TMEM178B: variants seen among roughly 807,000 people sequenced by gnomAD.
TMEM178B encodes transmembrane protein 178B.
In TMEM178B, 5 loss-of-function variants were observed where a neutral mutation model predicts 31.0. The ratio of observed to expected loss-of-function variants is 0.16; its 90% CI spans 0.08 to 0.34. The LOEUF is 0.34. Among genes scored for constraint, TMEM178B ranks in the 10% least tolerant of loss-of-function variants. The pLI, the probability that TMEM178B is intolerant of heterozygous loss-of-function variation, is 1.00. For synonymous variants in TMEM178B, 164 were observed against 164.0 expected (o/e 1.00, Z 0.00); for missense variants, 275 against 400.3 (o/e 0.69, Z 2.67).
chr7:141,312,765 T>G (rs1798934694), intron 2 of TMEM178B, among the ~76,000 whole-genome samples: 1 of 152,226 alleles, frequency 6.6e-6, no homozygotes, highest in South Asian at 2.1e-4. Flanking sequence ...TGGTGGTCCA[T>G]GGAGGGTGGT....
chr7:141,110,912 G>A (rs1404571228), intron 1 of TMEM178B, among the ~76,000 whole-genome samples: 2 of 152,148 alleles, frequency 1.3e-5, no homozygotes, highest in African/African-American at 2.4e-5. Flanking sequence ...GTGAACACAC[G>A]GTGAGAAGGA....
intron 2 of TMEM178B, among the ~76,000 whole-genome samples, chr7:141,424,633 T>C (rs998604436): frequency 6.6e-6 from 1 of 152,114 alleles, no homozygotes; most frequent in Non-Finnish European, 1.5e-5. Flanking sequence ...ATCCTTATTG[T>C]AGAAAAGAAC....
chr7:141,421,742 G>A (rs1801213810), intron 2 of TMEM178B, among the ~76,000 whole-genome samples: 1 of 152,066 alleles, frequency 6.6e-6, no homozygotes. Context: ...TCATCATCAT[G>A]ATAATCATCA....
intron 2 of TMEM178B, among the ~76,000 whole-genome samples, chr7:141,261,364 T>C (rs1178294697): frequency 2.6e-5 from 4 of 152,046 alleles, no homozygotes; most frequent in African/African-American, 7.2e-5. Context: ...TACCCTTAAA[T>C]TGGTTGAAAT....
intron 2 of TMEM178B, among the ~76,000 whole-genome samples, chr7:141,241,567 G>A (rs1797621320): frequency 7.0e-6 from 1 of 141,918 alleles, no homozygotes; most frequent in African/African-American, 2.6e-5. Flanking sequence ...TCCAGCCTGG[G>A]GAACAAGAGC....
chr7:141,131,551 A>G (rs117786423), intron 1 of TMEM178B, among the ~76,000 whole-genome samples: 4,337 of 152,274 alleles, frequency 0.028, 97 homozygotes, highest in Non-Finnish European at 0.045. Flanking sequence ...CGGGTTACGT[A>G]TAATTGAAAA....
intron 1 of TMEM178B, among the ~76,000 whole-genome samples, chr7:141,121,631 T>A (rs536344882): frequency 6.6e-6 from 1 of 152,190 alleles, no homozygotes; most frequent in Non-Finnish European, 1.5e-5. Flanking sequence ...GCTCTTATTC[T>A]CTCAGTCTTG....
chr7:141,385,745 G>C (rs970470712), intron 2 of TMEM178B, among the ~76,000 whole-genome samples: 1 of 152,116 alleles, frequency 6.6e-6, no homozygotes, highest in Non-Finnish European at 1.5e-5. Context: ...CCACCTGTTG[G>C]TCTTATTATC....
intron 1 of TMEM178B, among the ~76,000 whole-genome samples, chr7:141,081,987 A>G (rs535763394): frequency 2.0e-5 from 3 of 152,334 alleles, no homozygotes; most frequent in African/African-American, 7.2e-5. Flanking sequence ...GTTTAGAAAC[A>G]CAAATACTTA....
In TMEM178B at chr7:141,171,933, C is replaced by G. The variant is rs190242803; in HGVS notation, c.383-40658C>G. Among the ~76,000 whole-genome samples the G allele has an allele frequency of 1.9e-4, 29 of 152,324 alleles. No individual in the cohort carries two copies. Among genetic ancestry groups the G allele is most frequent in the Non-Finnish European group, 3.1e-4 (21 of 68,024 alleles). On this transcript the variant is annotated intron_variant, in intron 1 of 3. Coordinates refer to ENST00000565468, the MANE Select transcript of TMEM178B (RefSeq NM_001195278.2). The surrounding 1 kb of genome is among the most constrained non-coding windows in gnomAD (Gnocchi z 4.3). ...GGAGCCTCTACACATTAATTCTCAA[C>G]AGGTAATTGTTGAGTACCTATTGTG...
chr7:141,377,154 C>T (rs993037680), intron 2 of TMEM178B, among the ~76,000 whole-genome samples: 54 of 142,512 alleles, frequency 3.8e-4, no homozygotes, highest in Non-Finnish European at 7.2e-4. Context: ...ATGGGGGCTA[C>T]TTCTGTATTT....
intron 2 of TMEM178B, among the ~76,000 whole-genome samples, chr7:141,260,764 A>G (rs1017827788): frequency 6.6e-6 from 1 of 152,252 alleles, no homozygotes; most frequent in Non-Finnish European, 1.5e-5. Flanking sequence ...ATCTAGATAC[A>G]GAGTAGAAAA....
intron 2 of TMEM178B, chr7:141,297,122 G>A (rs1417215031): frequency 6.6e-6 from 1 of 152,218 alleles, no homozygotes; most frequent in Non-Finnish European, 1.5e-5. Context: ...TGCGTTGTAT[G>A]TACTGATGTA....
At chr7:141,466,429 T>C (rs1802148781) in intron 3 of TMEM178B, among the ~76,000 whole-genome samples, 1 of 152,246 alleles carries the variant, frequency 6.6e-6, no homozygotes, top group African/African-American at 2.4e-5. Context: ...CCTTTGTGTC[T>C]TGCCTGCCCT....
chr7:141,367,075 C>T (rs1425050526), intron 2 of TMEM178B, among the ~76,000 whole-genome samples: 4 of 101,202 alleles, frequency 4.0e-5, no homozygotes, highest in Admixed American at 1.6e-4. Context: ...GGGGGAGCCA[C>T]ATGACAGCAG....
intron 2 of TMEM178B, among the ~76,000 whole-genome samples, chr7:141,273,161 G>GA (rs1420192944): frequency 6.6e-6 from 1 of 151,682 alleles, no homozygotes; most frequent in African/African-American, 2.4e-5. Context: ...TGTATATGTG[G>GA]AATCTAAAAA....
chr7:141,496,657 G>T, the TMEM178B span, among the ~76,000 whole-genome samples: 1 of 107,888 alleles, frequency 9.3e-6, no homozygotes. Context: ...GCGACAGAGC[G>T]AGACTCCGTC....
At chr7:141,262,718 C>T (rs1035499583) in intron 2 of TMEM178B, among the ~76,000 whole-genome samples, 4 of 151,998 alleles carry the variant, frequency 2.6e-5, no homozygotes, top group Non-Finnish European at 4.4e-5. Flanking sequence ...CAGTCATTGA[C>T]GACAATGCAA....
the TMEM178B span, among the ~76,000 whole-genome samples, chr7:141,496,484 A>C: frequency 4.0e-5 from 6 of 151,520 alleles, no homozygotes; most frequent in African/African-American, 9.7e-5. Flanking sequence ...TCCCGGCTAA[A>C]ACGGTGAAAC....
Sources: gnomAD v4.1 joint callset for allele counts (sites outside exome capture counted in the v4.1 genomes callset) on GRCh38, gnomAD v4.1.1 for gene constraint, Gnocchi (gnomAD v3.1) non-coding constraint, MANE v1.5 for transcripts, NCBI Gene and HGNC (gene_info 2026-07-23, HGNC 2026-07-21) for gene names.